VAV2: variants seen among roughly 807,000 people sequenced by gnomAD.
VAV2 encodes the protein vav guanine nucleotide exchange factor 2.
In VAV2, 67 loss-of-function variants were observed where a neutral mutation model predicts 132.5. That is an observed-to-expected ratio of 0.51 (90% CI 0.42 to 0.62). The LOEUF (loss-of-function observed/expected upper bound fraction) is 0.62. VAV2 is among the 20% of genes least tolerant of loss of function. The pLI is 0.00. For synonymous variants in VAV2, 492 were observed against 443.5 expected (o/e 1.11, Z -1.37); for missense variants, 938 against 1,153.6 (o/e 0.81, Z 2.71).
chr9:133,864,168 C>T (rs1053996169), intron 2 of VAV2, among the ~76,000 whole-genome samples: 7 of 152,226 alleles, frequency 4.6e-5, no homozygotes, highest in South Asian at 2.1e-4. Context: ...CGAATGAAGA[C>T]GCACAGCTGC....
intron 1 of VAV2, among the ~76,000 whole-genome samples, chr9:133,972,728 T>G (rs1399831621): frequency 6.6e-6 from 1 of 152,268 alleles, no homozygotes; most frequent in South Asian, 2.1e-4. Context: ...GGAACCTGAC[T>G]GCAGACACCC....
At chr9:133,856,079 G>A (rs1205534144) in intron 3 of VAV2, among the ~76,000 whole-genome samples, 1 of 152,200 alleles carries the variant, frequency 6.6e-6, no homozygotes. Context: ...ATGATTCCAT[G>A]GACATGAAAC....
chr9:133,925,889 T>C (rs1222427221), intron 2 of VAV2: 1 of 151,752 alleles, frequency 6.6e-6, no homozygotes, highest in African/African-American at 2.4e-5. Flanking sequence ...TCATTTGGCT[T>C]TTTTGCTGCA....
At position 133,879,623 on chromosome 9, in the gene VAV2, C is replaced by A. The variant is rs1303104227; in HGVS notation, c.322-18191G>T. The stretch of plus-strand genomic sequence containing the variant: ...GCACATCTGAGTCCTCTGCCAAATG[C>A]AAATCTAAGCAACAAGCCGCACACA... On this transcript the variant is annotated intron_variant, in intron 2 of 29. Coordinates refer to ENST00000371850, the MANE Select transcript of VAV2 (RefSeq NM_001134398.2). The surrounding 1 kb of genome is among the most constrained non-coding windows in gnomAD (Gnocchi z 4.4). Among the ~76,000 whole-genome samples, 2 of 152,066 alleles carry A rather than the reference C, an allele frequency of 1.3e-5. No homozygotes were observed. The highest frequency in any genetic ancestry group is 6.5e-5 in the Admixed American group (1 of 15,274).
rs188245927 is a variant in VAV2, at chr9:133,879,011, G to A, written c.322-17579C>T. Among the ~76,000 whole-genome samples, 1 of 152,292 alleles carries A rather than the reference G, an allele frequency of 6.6e-6. No homozygotes were observed. Among genetic ancestry groups the A allele is most frequent in the East Asian group, 1.9e-4 (1 of 5,176 alleles). The stretch of plus-strand genomic sequence containing the variant: ...CAGGAGCATGGTGGGGCAGGGGCAG[G>A]GAGGTGTCTCCTCAGGATCCCCCCG... On this transcript the variant is annotated intron_variant, in intron 2 of 29. Coordinates refer to ENST00000371850, the MANE Select transcript of VAV2 (RefSeq NM_001134398.2). The surrounding 1 kb of genome is among the most constrained non-coding windows in gnomAD (Gnocchi z 4.4).
At chr9:133,939,077 C>A (rs377131099) in intron 2 of VAV2, 26 bp downstream of exon 2, 1 of 1,608,050 alleles carries the variant, frequency 6.2e-7, no homozygotes, top group Non-Finnish European at 8.5e-7. Flanking sequence ...GCTGAGCGAC[C>A]GAGGCTGGAG....
chr9:133,769,426 A>G lies in VAV2; in HGVS notation c.2425T>C (p.Phe809Leu), dbSNP rs758502385. 1.9e-6 allele frequency: 3 copies of G among 1,612,292 alleles called. No individual in the cohort carries two copies. The highest frequency in any genetic ancestry group is 2.5e-6 in the Non-Finnish European group (3 of 1,179,274). ...SFASQGPSAPFWSVFTPRVIG... is the reference protein window; with the variant it reads ...SFASQGPSAPLWSVFTPRVIG... ...TGGGGAGCAGCGGTACCTGACCAGA[A>G]GGGAGCGGAGGGGCCCTGAGAAGCA... The change falls in exon 28 of 30, where the codon TTC becomes CTC. Residue 809 changes from phenylalanine to leucine, a missense_variant. By Grantham distance (22) the Phe-to-Leu change is conservative. Transcript: ENST00000371850. The surrounding 1 kb of genome is among the most constrained non-coding windows in gnomAD (Gnocchi z 8.1).
intron 1 of VAV2, among the ~76,000 whole-genome samples, chr9:133,948,318 A>G (rs1841438980): frequency 6.6e-6 from 1 of 152,242 alleles, no homozygotes; most frequent in East Asian, 1.9e-4. Context: ...CAGGCTGAGT[A>G]ATGAACCTGA....
rs984343983 is a variant in VAV2 at position 133,788,206 on chromosome 9, C to A, written c.1407+148G>T. On this transcript the variant is annotated intron_variant, in intron 15 of 29. Transcript: ENST00000371850. This position sits in a 1 kb window ranked among gnomAD's most constrained non-coding sequence, Gnocchi z 5.3. Reference sequence around the variant, plus strand: ...AGGCAGTGACTCAGAGAGGAGCCTTCCTGCAGAGCGGAGACGCCCACCCCA... The same window carrying A: ...AGGCAGTGACTCAGAGAGGAGCCTTACTGCAGAGCGGAGACGCCCACCCCA... 31 of 1,145,438 alleles carry A rather than the reference C, an allele frequency of 2.7e-5. No individual in the cohort carries two copies. The highest frequency in any genetic ancestry group is 1.2e-6 in the Non-Finnish European group (1 of 816,012). The allele number at this position is 1,145,438 out of a possible 1,614,324, so 71.0% of individuals were successfully genotyped here.
At chr9:133,864,841 C>G (rs944403558) in intron 2 of VAV2, among the ~76,000 whole-genome samples, 1 of 152,212 alleles carries the variant, frequency 6.6e-6, no homozygotes, top group African/African-American at 2.4e-5. Context: ...CCACAATGGA[C>G]AGGGAAGCAG....
Position 133,834,217 on chromosome 9 carries a change from G to A in VAV2, c.449+55C>T. On this transcript the variant is annotated intron_variant, in intron 4 of 29. Coordinates refer to ENST00000371850, the MANE Select transcript of VAV2 (RefSeq NM_001134398.2). This position sits in a 1 kb window ranked among gnomAD's most constrained non-coding sequence, Gnocchi z 5.9. ...CCTCCTGACTCCCTGGACACCACCA[G>A]GAACCTCCCTGCCCCTCCCTCCTCT... 6.4e-7 allele frequency: 1 copy of A among 1,559,770 alleles called. No individual in the cohort carries two copies. The highest frequency in any genetic ancestry group is 1.2e-5 in the South Asian group (1 of 85,050).
At chr9:133,806,243 G>A (rs936738837) in intron 8 of VAV2, 62 bp from the exon 9 acceptor site, 8 of 1,504,496 alleles carry the variant, frequency 5.3e-6, no homozygotes, top group South Asian at 4.8e-5. Context: ...CGGGAGCGCC[G>A]CCCTTAAAGT....
intron 1 of VAV2, among the ~76,000 whole-genome samples, chr9:133,964,044 TATATAC>T (rs1226301828): frequency 2.1e-5 from 2 of 94,002 alleles, no homozygotes; most frequent in African/African-American, 3.4e-5. Flanking sequence ...TATATATATA[TATATAC>T]ATATATATAC....
At chr9:133,966,805 C>G (rs921618060) in intron 1 of VAV2, among the ~76,000 whole-genome samples, 1 of 152,064 alleles carries the variant, frequency 6.6e-6, no homozygotes, top group African/African-American at 2.4e-5. Flanking sequence ...GAGGCCGTGG[C>G]GGGCAGATCA....
chr9:133,849,182 C>T (rs933066938), intron 3 of VAV2, among the ~76,000 whole-genome samples: 1 of 152,172 alleles, frequency 6.6e-6, no homozygotes, highest in Non-Finnish European at 1.5e-5. Context: ...TGAGCAGGCA[C>T]GGGACATTCC....
In VAV2 at chr9:133,824,576, T is replaced by C. The variant is rs1314844541; in HGVS notation, c.449+9696A>G. On this transcript the variant is annotated intron_variant, in intron 4 of 29. Transcript: ENST00000371850. The surrounding 1 kb of genome is among the most constrained non-coding windows in gnomAD (Gnocchi z 5.2). ...AATGAACACCTCCTCCAGGAAGGCTTCCTGCCCTCCTGGCTTGTCAGGGTC... is the reference window on the plus strand; with the variant it reads ...AATGAACACCTCCTCCAGGAAGGCTCCCTGCCCTCCTGGCTTGTCAGGGTC... Among the ~76,000 whole-genome samples, 1 of 152,160 alleles carries C rather than the reference T, an allele frequency of 6.6e-6. No homozygotes were observed. The highest frequency in any genetic ancestry group is 1.5e-5 in the Non-Finnish European group (1 of 68,006).
chr9:133,815,724 A>G (rs1346708268), intron 4 of VAV2, among the ~76,000 whole-genome samples: 1 of 152,152 alleles, frequency 6.6e-6, no homozygotes, highest in Non-Finnish European at 1.5e-5. Flanking sequence ...GGTTGCCTCC[A>G]AGTTGTTGCT....
At chr9:133,841,610 G>C (rs1163100506) in intron 3 of VAV2, among the ~76,000 whole-genome samples, 2 of 152,140 alleles carry the variant, frequency 1.3e-5, no homozygotes, top group Non-Finnish European at 2.9e-5. Flanking sequence ...CAAACACCCA[G>C]AGATAACATC....
intron 2 of VAV2, among the ~76,000 whole-genome samples, chr9:133,930,437 C>T (rs1840643801): frequency 6.6e-6 from 1 of 151,610 alleles, no homozygotes. Context: ...CCGGCATCCT[C>T]ATTGCCTCTT....
Sources: allele counts gnomAD v4.1 joint callset (sites outside exome capture counted in the v4.1 genomes callset), GRCh38; gene constraint gnomAD v4.1.1; non-coding constraint Gnocchi (gnomAD v3.1); transcripts MANE v1.5; gene names NCBI Gene and HGNC (gene_info 2026-07-23, HGNC 2026-07-21).